The following ASIC2 variants were observed in gnomAD, a reference collection of about 807,000 sequenced individuals.
ASIC2 encodes the protein acid-sensing ion channel 2.
Under a neutral mutation model 57.3 loss-of-function variants are expected in ASIC2, and 25 were observed. That is an observed-to-expected ratio of 0.44 (90% CI 0.32 to 0.61). ASIC2 has a LOEUF of 0.61. Among genes scored for constraint, ASIC2 ranks in the 20% least tolerant of loss-of-function variants. The probability of loss-of-function intolerance (pLI) is 0.06; values close to 1 mark genes in which losing one functional copy is unlikely to be tolerated. For synonymous variants in ASIC2, 319 were observed against 307.5 expected, an observed-to-expected ratio of 1.04 and a Z score of -0.39; for missense variants, 641 against 738.1, an observed-to-expected ratio of 0.87 and a Z score of 1.52.
At chr17:33,904,353 G>A (rs1233280268) in intron 1 of ASIC2, among the ~76,000 whole-genome samples, 1 of 151,962 alleles carries the variant, frequency 6.6e-6, no homozygotes, top group Non-Finnish European at 1.5e-5. Flanking sequence ...ATCCCTACAT[G>A]GTTTGTGTAC....
chr17:33,821,462 T>C (rs2141893263), intron 1 of ASIC2, among the ~76,000 whole-genome samples: 1 of 152,302 alleles, frequency 6.6e-6, no homozygotes, highest in East Asian at 1.9e-4. Flanking sequence ...TCTCAGACTT[T>C]CTGGGCTGCA....
intron 1 of ASIC2, among the ~76,000 whole-genome samples, chr17:33,701,939 GAGTTCTGCAGACATAGA>G (rs1196778974): frequency 2.0e-5 from 3 of 152,194 alleles, no homozygotes; most frequent in African/African-American, 4.8e-5. Context: ...TTGTCTAAGT[GAGTTCTGCAGACATAGA>G]AGTTCTGCAG....
intron 1 of ASIC2, among the ~76,000 whole-genome samples, chr17:33,803,054 T>A (rs1912174897): frequency 6.6e-6 from 1 of 152,200 alleles, no homozygotes; most frequent in African/African-American, 2.4e-5. Flanking sequence ...GTCAGTCTTT[T>A]GTTCTGAGTA....
intron 1 of ASIC2, among the ~76,000 whole-genome samples, chr17:33,160,107 G>A (rs1905120602): frequency 6.6e-6 from 1 of 151,964 alleles, no homozygotes; most frequent in Non-Finnish European, 1.5e-5. Context: ...CAGTTGGGAG[G>A]CTAAGGTGGG....
intron 1 of ASIC2, among the ~76,000 whole-genome samples, chr17:33,268,455 A>G (rs976901604): frequency 6.6e-6 from 1 of 152,166 alleles, no homozygotes; most frequent in Non-Finnish European, 1.5e-5. Context: ...TAGAGTATTG[A>G]GGAGCAGTAG....
chr17:33,841,252 G>C (rs1226882695), intron 1 of ASIC2, among the ~76,000 whole-genome samples: 1 of 152,248 alleles, frequency 6.6e-6, no homozygotes, highest in Non-Finnish European at 1.5e-5. Context: ...AGTCGGGGAA[G>C]GTGTAGACAT....
intron 1 of ASIC2, among the ~76,000 whole-genome samples, chr17:33,570,377 G>C (rs1916392975): frequency 6.6e-6 from 1 of 152,164 alleles, no homozygotes; most frequent in African/African-American, 2.4e-5. Flanking sequence ...CCTGAGTCCT[G>C]GGCACCTGTG....
chr17:34,085,931 TTTTC>T (rs1433672334), intron 1 of ASIC2, among the ~76,000 whole-genome samples: 2 of 151,854 alleles, frequency 1.3e-5, no homozygotes, highest in East Asian at 3.8e-4. Flanking sequence ...TTCTCTCGTT[TTTTC>T]TTTATTAGTC....
rs956752445 is a variant in ASIC2, at chr17:33,605,611, T to TA, written c.556-493545dup. Among the ~76,000 whole-genome samples, 640 of 152,192 alleles carry TA rather than the reference T, an allele frequency of 4.2e-3. 5 individuals are homozygous for TA. Among genetic ancestry groups the TA allele is most frequent in the African/African-American group, 0.015 (612 of 41,484 alleles). ...TTCCATGTGTTGAAAGCTACCTTTT[T>TA]AAAAAAAGAAATATGAAATTATGGG... On this transcript the variant is annotated intron_variant, in intron 1 of 9. Transcript: ENST00000359872.
At chr17:33,715,530 T>A (rs781371351) in intron 1 of ASIC2, among the ~76,000 whole-genome samples, 1 of 152,180 alleles carries the variant, frequency 6.6e-6, no homozygotes, top group African/African-American at 2.4e-5. Flanking sequence ...ATCCCCCAGA[T>A]ATTCATTGTT....
At chr17:33,709,510 A>C (rs966520427) in intron 1 of ASIC2, among the ~76,000 whole-genome samples, 1 of 152,212 alleles carries the variant, frequency 6.6e-6, no homozygotes, top group Non-Finnish European at 1.5e-5. Flanking sequence ...AGCAGACTGC[A>C]ACCCAGAACA....
At chr17:33,037,732 T>C (rs895154153) in intron 3 of ASIC2, among the ~76,000 whole-genome samples, 2 of 152,148 alleles carry the variant, frequency 1.3e-5, no homozygotes, top group Non-Finnish European at 2.9e-5. Flanking sequence ...GGGATGATAA[T>C]AACGTTTATT....
intron 1 of ASIC2, among the ~76,000 whole-genome samples, chr17:33,907,949 C>T (rs766988833): frequency 2.0e-5 from 3 of 152,148 alleles, no homozygotes; most frequent in Non-Finnish European, 4.4e-5. Flanking sequence ...ATAAAAATAG[C>T]ACCTACTCAG....
chr17:33,202,738 C>T (rs1026347691), intron 1 of ASIC2, among the ~76,000 whole-genome samples: 3 of 152,156 alleles, frequency 2.0e-5, no homozygotes, highest in Admixed American at 6.5e-5. Flanking sequence ...CTAAATAATG[C>T]GGGTGTCTAC....
intron 1 of ASIC2, among the ~76,000 whole-genome samples, chr17:33,396,260 C>A (rs1479031079): frequency 6.6e-6 from 1 of 152,164 alleles, no homozygotes; most frequent in Non-Finnish European, 1.5e-5. Flanking sequence ...CATCCAGGAG[C>A]AGATGCACCT....
At chr17:33,571,560 C>T (rs1916444041) in intron 1 of ASIC2, among the ~76,000 whole-genome samples, 1 of 152,208 alleles carries the variant, frequency 6.6e-6, no homozygotes, top group Non-Finnish European at 1.5e-5. Context: ...TGCCCAGAAA[C>T]ATGTTATTTA....
At chr17:33,031,262 G>A (rs2091882157) in intron 3 of ASIC2, among the ~76,000 whole-genome samples, 1 of 152,010 alleles carries the variant, frequency 6.6e-6, no homozygotes, top group African/African-American at 2.4e-5. Context: ...TTTTCCCCAA[G>A]GAATTTGTTC....
At chr17:33,752,051 G>C (rs933171685) in intron 1 of ASIC2, among the ~76,000 whole-genome samples, 7 of 152,108 alleles carry the variant, frequency 4.6e-5, no homozygotes, top group African/African-American at 1.7e-4. Flanking sequence ...ACCTGACAGA[G>C]CAGGCACTGG....
At chr17:34,036,065 A>T (rs1907862449) in intron 1 of ASIC2, among the ~76,000 whole-genome samples, 1 of 152,150 alleles carries the variant, frequency 6.6e-6, no homozygotes, top group African/African-American at 2.4e-5. Flanking sequence ...ATAAAGACAC[A>T]TGCACACATA....
Sources: allele counts gnomAD v4.1 joint callset (sites outside exome capture counted in the v4.1 genomes callset), GRCh38; gene constraint gnomAD v4.1.1; transcripts MANE v1.5; gene names NCBI Gene and HGNC (gene_info 2026-07-23, HGNC 2026-07-21).